The following BARX2 variants were observed in gnomAD, a reference collection of about 807,000 sequenced individuals.
The protein encoded by BARX2 is homeobox protein BarH-like 2.
Under a neutral mutation model 25.5 loss-of-function variants are expected in BARX2, and 11 were observed. That is an observed-to-expected ratio of 0.43 (90% confidence interval 0.27 to 0.71). BARX2 has a LOEUF of 0.71. Ranked by LOEUF, BARX2 falls within the 30% of genes least tolerant of loss-of-function variation. BARX2 has a pLI of 0.19. For synonymous variants in BARX2, 137 were observed against 149.5 expected, an observed-to-expected ratio of 0.92 and a Z score of 0.61; for missense variants, 360 against 359.9, an observed-to-expected ratio of 1.00 and a Z score of 0.00.
rs765827355 is a variant in BARX2 at position 129,436,921 on chromosome 11, G to C, written c.358G>C (p.Glu120Gln). 5.6e-6 allele frequency: 9 copies of C among 1,613,810 alleles called. No homozygotes were observed. In the East Asian group the frequency reaches 1.1e-4, roughly 20 times the overall value. ...AGGGGGCGAGGCCCTAGCCAGCAGCGAGTCAGAGACGGAACAGCCCACGCC... is the reference window on the plus strand; with the variant it reads ...AGGGGGCGAGGCCCTAGCCAGCAGCCAGTCAGAGACGGAACAGCCCACGCC... ...APGGEALASS[E>Q]SETEQPTPRQ... is the part of the protein sequence containing the mutation. The change falls in exon 2 of 4, where the codon GAG becomes CAG. Residue 120 changes from glutamate (E) to glutamine (Q), a missense_variant. Transcript: ENST00000281437. This position sits in a 1 kb window ranked among gnomAD's most constrained non-coding sequence, Gnocchi z 4.5.
intron 2 of BARX2, among the ~76,000 whole-genome samples, chr11:129,439,087 C>T (rs1043664698): frequency 6.6e-6 from 1 of 152,030 alleles, no homozygotes; most frequent in Non-Finnish European, 1.5e-5. Context: ...GTTGGCACTG[C>T]CTTTATGAGC....
chr11:129,448,828 GAACAA>G (rs906924212), intron 3 of BARX2, among the ~76,000 whole-genome samples: 3 of 152,150 alleles, frequency 2.0e-5, no homozygotes, highest in African/African-American at 7.2e-5. Flanking sequence ...ATGAGTGAAC[GAACAA>G]AACATAGTAT....
At chr11:129,428,548 A>G (rs1862093064) in intron 1 of BARX2, among the ~76,000 whole-genome samples, 1 of 152,228 alleles carries the variant, frequency 6.6e-6, no homozygotes, top group African/African-American at 2.4e-5. Flanking sequence ...CTCTGGGTCA[A>G]TGCTACTTTG....
chr11:129,426,488 T>G (rs1465798372), intron 1 of BARX2, among the ~76,000 whole-genome samples: 3 of 152,066 alleles, frequency 2.0e-5, no homozygotes, highest in Non-Finnish European at 4.4e-5. Context: ...TTCATCTGCC[T>G]CAGCCTCACA....
chr11:129,422,661 A>G (rs774607049), intron 1 of BARX2, among the ~76,000 whole-genome samples: 5 of 80,024 alleles, frequency 6.2e-5, no homozygotes, highest in South Asian at 6.8e-4. Flanking sequence ...TTGTGTGTAC[A>G]GTAGGGATTC....
intron 1 of BARX2, among the ~76,000 whole-genome samples, chr11:129,423,278 G>A (rs897377597): frequency 1.3e-5 from 2 of 151,606 alleles, no homozygotes; most frequent in Non-Finnish European, 2.9e-5. Flanking sequence ...CACCACGCCC[G>A]GCTAATTTTT....
At chr11:129,439,941 T>C (rs946713550) in intron 2 of BARX2, among the ~76,000 whole-genome samples, 23 of 152,172 alleles carry the variant, frequency 1.5e-4, no homozygotes, top group African/African-American at 5.1e-4. Context: ...TTAGTTCTTC[T>C]TAAACCTCCT....
At chr11:129,403,008 T>C (rs1369582290) in intron 1 of BARX2, among the ~76,000 whole-genome samples, 2 of 152,254 alleles carry the variant, frequency 1.3e-5, no homozygotes, top group Non-Finnish European at 2.9e-5. Context: ...CAACTCTATA[T>C]GCAAATGCAT....
intron 1 of BARX2, among the ~76,000 whole-genome samples, chr11:129,392,456 G>A (rs1471833697): frequency 4.6e-5 from 7 of 152,304 alleles, no homozygotes; most frequent in African/African-American, 1.7e-4. Context: ...AAAAGTATGT[G>A]TGGTACAGGT....
At chr11:129,442,313 C>A (rs1862270514) in intron 2 of BARX2, among the ~76,000 whole-genome samples, 2 of 152,098 alleles carry the variant, frequency 1.3e-5, no homozygotes, top group Middle Eastern at 3.2e-3. Context: ...GATCAGAGAA[C>A]AGCAGGAAAC....
intron 1 of BARX2, among the ~76,000 whole-genome samples, chr11:129,411,149 A>G (rs925080725): frequency 3.3e-5 from 5 of 152,130 alleles, no homozygotes; most frequent in African/African-American, 1.2e-4. Flanking sequence ...AGGCGGGTGG[A>G]TCACGAGGTC....
chr11:129,419,981 A>G (rs1861986193), intron 1 of BARX2, among the ~76,000 whole-genome samples: 1 of 151,910 alleles, frequency 6.6e-6, no homozygotes, highest in Non-Finnish European at 1.5e-5. Flanking sequence ...AGGTCTCACC[A>G]TGTTGGCCAG....
At chr11:129,432,740 A>T (rs560460904) in intron 1 of BARX2, among the ~76,000 whole-genome samples, 3 of 152,250 alleles carry the variant, frequency 2.0e-5, no homozygotes, top group Admixed American at 2.0e-4. Context: ...AATGAAACTT[A>T]TAACTCATTT....
At chr11:129,426,314 C>T (rs1039658772) in intron 1 of BARX2, among the ~76,000 whole-genome samples, 2 of 152,000 alleles carry the variant, frequency 1.3e-5, no homozygotes, top group Admixed American at 6.6e-5. Flanking sequence ...TCGCTCTCAG[C>T]ATAAGACAGG....
intron 1 of BARX2, among the ~76,000 whole-genome samples, chr11:129,399,159 A>G (rs1249064156): frequency 6.6e-6 from 1 of 152,178 alleles, no homozygotes; most frequent in African/African-American, 2.4e-5. Context: ...GGAATATTGA[A>G]TTCATAATAT....
chr11:129,411,054 CTA>C (rs1427026940), intron 1 of BARX2, among the ~76,000 whole-genome samples: 1 of 152,158 alleles, frequency 6.6e-6, no homozygotes, highest in African/African-American at 2.4e-5. Flanking sequence ...TGGTGACACT[CTA>C]TGTGGAGCAG....
At chr11:129,380,170 G>T (rs1425475509) in intron 1 of BARX2, among the ~76,000 whole-genome samples, 2 of 152,040 alleles carry the variant, frequency 1.3e-5, no homozygotes, top group Non-Finnish European at 2.9e-5. Flanking sequence ...TTCCAACTTG[G>T]TTACACACCC....
intron 1 of BARX2, among the ~76,000 whole-genome samples, chr11:129,388,672 A>G (rs2135386655): frequency 6.6e-6 from 1 of 152,340 alleles, no homozygotes; most frequent in South Asian, 2.1e-4. Flanking sequence ...TTCACATTAT[A>G]TCTGGCTGAG....
chr11:129,399,625 C>T (rs1861756296), intron 1 of BARX2, among the ~76,000 whole-genome samples: 1 of 152,178 alleles, frequency 6.6e-6, no homozygotes, highest in East Asian at 1.9e-4. Context: ...TGGCAGTGTA[C>T]AGCAGCAGCA....
Sources: allele counts gnomAD v4.1 joint callset (sites outside exome capture counted in the v4.1 genomes callset), GRCh38; gene constraint gnomAD v4.1.1; non-coding constraint Gnocchi (gnomAD v3.1); transcripts MANE v1.5; gene names NCBI Gene and HGNC (gene_info 2026-07-23, HGNC 2026-07-21).